BEND3: variants seen among roughly 807,000 people sequenced by gnomAD.
BEND3 encodes BEN domain-containing protein 3.
A neutral mutation model predicts 60.1 loss-of-function variants in BEND3; 13 were observed. The ratio of observed to expected loss-of-function variants is 0.22; its 90% CI spans 0.14 to 0.34. The LOEUF is 0.34. BEND3 is among the 10% of genes least tolerant of loss of function. BEND3 has a pLI of 1.00. For synonymous variants in BEND3, 497 were observed against 491.5 expected (o/e 1.01, Z -0.15); for missense variants, 896 against 1,138.1 (o/e 0.79, Z 3.06).
Position 107,067,757 on chromosome 6 carries a change from A to G in BEND3, c.*947T>C, listed in dbSNP as rs1286845772. ...TTTTGTACAAATACACACACGGAAA[A>G]GTAAACAGTTCATGGTGAGCTCAAA... On this transcript the variant is annotated 3_prime_UTR_variant, in exon 4 of 4. Coordinates refer to ENST00000369042, the MANE Select transcript of BEND3 (RefSeq NM_001367314.1). The G allele has an allele frequency of 6.6e-6, 1 of 152,256 alleles. No individual in the cohort carries two copies. Among genetic ancestry groups the G allele is most frequent in the African/African-American group, 2.4e-5 (1 of 41,450 alleles). The allele number at this position is 152,256 out of a possible 1,614,324, so 9.4% of individuals were successfully genotyped here. A position where few individuals can be genotyped will look rare whatever the true frequency, so the allele number is the denominator to read the frequency against.
At chr6:107,086,818 A>C (rs2115014133) in intron 3 of BEND3, among the ~76,000 whole-genome samples, 1 of 151,478 alleles carries the variant, frequency 6.6e-6, no homozygotes, top group Middle Eastern at 3.4e-3. Context: ...CAAGGTCAAG[A>C]GATTGAAACC....
intron 1 of BEND3, among the ~76,000 whole-genome samples, chr6:107,102,691 C>T (rs1242717768): frequency 2.0e-5 from 3 of 152,238 alleles, no homozygotes; most frequent in African/African-American, 7.2e-5. Flanking sequence ...CATTAAGAAG[C>T]TGGGGAATCT....
At chr6:107,081,409 A>G (rs1775230954) in intron 3 of BEND3, among the ~76,000 whole-genome samples, 1 of 150,796 alleles carries the variant, frequency 6.6e-6, no homozygotes, top group African/African-American at 2.4e-5. Context: ...TTTAGTAGAG[A>G]TGGGGTTTCA....
chr6:107,068,985 C>A lies in BEND3; in HGVS notation c.2206G>T (p.Val736Leu). The change falls in exon 4 of 4, where the codon GTG becomes TTG. Residue 736 changes from valine (V) to leucine (L), a missense_variant. This residue lies in a region of BEND3 where 846 missense variants were observed against 1,036.7 expected (regional missense o/e 0.82). Coordinates refer to ENST00000369042, the MANE Select transcript of BEND3 (RefSeq NM_001367314.1). This position sits in a 1 kb window ranked among gnomAD's most constrained non-coding sequence, Gnocchi z 5.8. ...VREIVQQSLSVGNFAARLLVR... is the reference protein window; with the variant it reads ...VREIVQQSLSLGNFAARLLVR... ...AGGAGCCGGGCGGCAAAGTTGCCCA[C>A]GGAGAGGCTCTGCTGCACGATCTCA... 2 of 1,613,734 alleles carry A rather than the reference C, an allele frequency of 1.2e-6. No individual in the cohort carries two copies. Among genetic ancestry groups the A allele is most frequent in the South Asian group, 1.1e-5 (1 of 91,074 alleles).
chr6:107,088,032 G>T (rs1372347445), intron 3 of BEND3, among the ~76,000 whole-genome samples: 17 of 142,534 alleles, frequency 1.2e-4, no homozygotes, highest in Non-Finnish European at 2.1e-4. Context: ...TTAGAGACAG[G>T]TTCTTGCTTT....
At chr6:107,079,504 G>C (rs1031608444) in intron 3 of BEND3, among the ~76,000 whole-genome samples, 2 of 152,200 alleles carry the variant, frequency 1.3e-5, no homozygotes, top group Non-Finnish European at 2.9e-5. Context: ...GGCTTCAGGA[G>C]CTGTAAACAT....
chr6:107,098,590 G>A lies in BEND3; in HGVS notation c.201C>T (p.Asp67=), dbSNP rs782549481. ...GCCTCCTCTTCACGCCGGGGACAGA[G>A]TCTAGCAGGCCATCGCTGACCAGCT... is the stretch of plus-strand genomic sequence containing the variant. ...RKQLVSDGLL[D]SVPGVKRRRL... The change falls in exon 3 of 4, where the codon GAC becomes GAT. Residue 67 remains aspartate (D), a synonymous_variant. Coordinates refer to ENST00000369042, the MANE Select transcript of BEND3 (RefSeq NM_001367314.1). The A allele has an allele frequency of 2.5e-6, 4 of 1,613,656 alleles. No individual in the cohort carries two copies. Among genetic ancestry groups the A allele is most frequent in the Admixed American group, 3.3e-5 (2 of 60,026 alleles).
rs142330472 is a variant in BEND3 at position 107,114,607 on chromosome 6, TGCCCCGCCAAA to T, written c.-12+472_-12+482del. ...ACACCCCCTTCCACACGCCGAGCAGTGCCCCGCCAAAGCCCCGCCGAGCGCGAGCGCCAAGC... is the reference window on the plus strand; with the variant it reads ...ACACCCCCTTCCACACGCCGAGCAGTGCCCCGCCGAGCGCGAGCGCCAAGC... On this transcript the variant is annotated intron_variant, in intron 1 of 3. Coordinates refer to ENST00000369042, the MANE Select transcript of BEND3 (RefSeq NM_001367314.1). Among the ~76,000 whole-genome samples, 2,557 of 150,084 alleles carry T rather than the reference TGCCCCGCCAAA, an allele frequency of 0.017. 82 individuals are homozygous for T. In the East Asian group the frequency reaches 0.17, roughly 10 times the overall value.
At chr6:107,088,397 AG>A (rs1391126372) in intron 3 of BEND3, among the ~76,000 whole-genome samples, 1 of 152,206 alleles carries the variant, frequency 6.6e-6, no homozygotes, top group East Asian at 1.9e-4. Context: ...AAAGAGAAAA[AG>A]GAACAGAAGA....
intron 1 of BEND3, among the ~76,000 whole-genome samples, chr6:107,104,517 T>C (rs963914540): frequency 6.6e-6 from 1 of 152,074 alleles, no homozygotes; most frequent in Admixed American, 6.5e-5. Flanking sequence ...AAGTCCCTGA[T>C]AAAAAATAGC....
intron 1 of BEND3, chr6:107,114,365 G>GCGGGAAC (rs1424777525): frequency 1.3e-5 from 2 of 152,096 alleles, no homozygotes; most frequent in African/African-American, 4.8e-5. Context: ...CTCCTGGGCA[G>GCGGGAAC]CGGGAACCGC....
chr6:107,106,627 A>C (rs1775820289), intron 1 of BEND3, among the ~76,000 whole-genome samples: 1 of 151,908 alleles, frequency 6.6e-6, no homozygotes, highest in Non-Finnish European at 1.5e-5. Context: ...TTTTTTCCCC[A>C]GAGATGGGGG....
rs189418951 is a variant in BEND3 at position 107,068,218 on chromosome 6, C to A, written c.*486G>T. On this transcript the variant is annotated 3_prime_UTR_variant, in exon 4 of 4. Transcript: ENST00000369042. The surrounding 1 kb of genome is among the most constrained non-coding windows in gnomAD (Gnocchi z 5.8). ...TGAAGCTATGATTAGCCACTGTGCA[C>A]GAACATGGCACTTTTAAAGAGATTT... 1 of 154,752 alleles carries A rather than the reference C, an allele frequency of 6.5e-6. No individual in the cohort carries two copies. Among genetic ancestry groups the A allele is most frequent in the African/African-American group, 2.4e-5 (1 of 41,412 alleles). The allele number at this position is 154,752 out of a possible 1,614,324, so 9.6% of individuals were successfully genotyped here. A position where few individuals can be genotyped will look rare whatever the true frequency, so the allele number is the denominator to read the frequency against.
At chr6:107,111,981 C>CAA (rs57840795) in intron 1 of BEND3, among the ~76,000 whole-genome samples, 2 of 145,318 alleles carry the variant, frequency 1.4e-5, no homozygotes, top group African/African-American at 5.2e-5. Flanking sequence ...GACTCCGTTT[C>CAA]AAAAAAAAAA....
chr6:107,073,585 A>G (rs930616343), intron 3 of BEND3, among the ~76,000 whole-genome samples: 5 of 152,096 alleles, frequency 3.3e-5, no homozygotes, highest in Non-Finnish European at 5.9e-5. Flanking sequence ...AAAGTGTTCC[A>G]CCATTCTCAA....
chr6:107,071,142 C>T (rs1774971556), intron 3 of BEND3, among the ~76,000 whole-genome samples, 192 bp from the exon 4 acceptor site: 1 of 152,240 alleles, frequency 6.6e-6, no homozygotes, highest in South Asian at 2.1e-4. Context: ...CCACCCCAAA[C>T]CTGCTGCTCT....
intron 1 of BEND3, chr6:107,114,117 T>C (rs1770196200): frequency 6.6e-6 from 1 of 152,248 alleles, no homozygotes; most frequent in African/African-American, 2.4e-5. Flanking sequence ...AAACACCTTG[T>C]TTAAAATAGC....
intron 1 of BEND3, among the ~76,000 whole-genome samples, chr6:107,102,544 G>A (rs1242766335): frequency 6.6e-6 from 1 of 152,200 alleles, no homozygotes; most frequent in Non-Finnish European, 1.5e-5. Context: ...GGGCATTCAA[G>A]ACACCGAGTG....
rs1554231764 is a variant in BEND3, at chr6:107,070,270, G to A, written c.921C>T (p.Ile307=). 6 of 1,613,076 alleles carry A rather than the reference G, an allele frequency of 3.7e-6. No homozygotes were observed. Among genetic ancestry groups the A allele is most frequent in the Admixed American group, 1.7e-5 (1 of 60,022 alleles). The change falls in exon 4 of 4, where the codon ATC becomes ATT. Residue 307 remains isoleucine, a synonymous_variant. Coordinates refer to ENST00000369042, the MANE Select transcript of BEND3 (RefSeq NM_001367314.1). This position sits in a 1 kb window ranked among gnomAD's most constrained non-coding sequence, Gnocchi z 6.9. ...RKLESLHLQL[I]RNYVEVYYPS... is the part of the protein sequence containing the mutation. ...GGTAGTAGACCTCCACATAGTTGCG[G>A]ATGAGCTGCAGGTGCAGCGACTCCA... is the stretch of plus-strand genomic sequence containing the variant.
Sources: gnomAD v4.1 joint callset for allele counts (sites outside exome capture counted in the v4.1 genomes callset) on GRCh38, gnomAD v4.1.1 for gene constraint, gnomAD v4.1.1 regional missense constraint, Gnocchi (gnomAD v3.1) non-coding constraint, MANE v1.5 for transcripts, NCBI Gene and HGNC (gene_info 2026-07-23, HGNC 2026-07-21) for gene names.